The following IGF1 variants were observed in gnomAD, a reference collection of about 807,000 sequenced individuals.
IGF1 encodes the protein insulin like growth factor 1.
A neutral mutation model predicts 13.8 loss-of-function variants in IGF1; 4 were observed. The observed-to-expected ratio is 0.29, with a 90% CI of 0.14 to 0.66. The LOEUF (loss-of-function observed/expected upper bound fraction) is 0.66. IGF1 is among the 30% of genes least tolerant of loss of function. The pLI is 0.78. For missense variants in IGF1, 124 were observed against 188.5 expected (o/e 0.66, Z 2.00); for synonymous variants, 76 against 72.6 (o/e 1.05, Z -0.23).
chr12:102,411,048 C>A (rs1398019862), intron 3 of IGF1, among the ~76,000 whole-genome samples: 3 of 152,144 alleles, frequency 2.0e-5, no homozygotes, highest in African/African-American at 4.8e-5. Flanking sequence ...GCCAAAAGCA[C>A]CTCTACCTTC....
At chr12:102,451,953 C>T (rs1878974991) in intron 2 of IGF1, among the ~76,000 whole-genome samples, 1 of 152,124 alleles carries the variant, frequency 6.6e-6, no homozygotes, top group South Asian at 2.1e-4. Flanking sequence ...ACTCTCTCAC[C>T]TGCCACCATG....
In IGF1 at chr12:102,400,268, A is replaced by G. The variant is rs1246779502; in HGVS notation, c.*2239T>C. On this transcript the variant is annotated 3_prime_UTR_variant, in exon 4 of 4. Coordinates refer to ENST00000337514, the MANE Select transcript of IGF1 (RefSeq NM_000618.5). ...TTGCATGAAATAATCAAGCCTGGGT[A>G]CTTTTAACCAAAAAGTTCTAAGGTG... is the stretch of plus-strand genomic sequence containing the variant. The G allele has an allele frequency of 6.6e-6, 1 of 152,150 alleles. No homozygotes were observed. The highest frequency in any genetic ancestry group is 6.6e-5 in the Admixed American group (1 of 15,266). The allele number at this position is 152,150 out of a possible 1,614,324, so 9.4% of individuals were successfully genotyped here. A position where few individuals can be genotyped will look rare whatever the true frequency, so the allele number is the denominator to read the frequency against.
intron 2 of IGF1, among the ~76,000 whole-genome samples, chr12:102,435,065 T>C (rs1592775036): frequency 6.6e-6 from 1 of 152,324 alleles, no homozygotes; most frequent in East Asian, 1.9e-4. Context: ...TAACAGGTGT[T>C]TACATAGAAT....
intron 2 of IGF1, among the ~76,000 whole-genome samples, chr12:102,468,035 C>G (rs2137235604): frequency 6.6e-6 from 1 of 152,302 alleles, no homozygotes; most frequent in East Asian, 1.9e-4. Flanking sequence ...TTGTAGCAAT[C>G]TTCAATTTTA....
intron 2 of IGF1, among the ~76,000 whole-genome samples, chr12:102,447,866 A>G (rs571976882): frequency 1.3e-5 from 2 of 152,336 alleles, no homozygotes; most frequent in African/African-American, 2.4e-5. Context: ...GCATGGACAA[A>G]CACTTCCTGA....
chr12:102,445,881 G>A (rs1010692751), intron 2 of IGF1, among the ~76,000 whole-genome samples: 3 of 152,108 alleles, frequency 2.0e-5, no homozygotes, highest in African/African-American at 7.2e-5. Context: ...GTCATGAACA[G>A]CTCTTATTAT....
At chr12:102,479,890 C>CACACACAGAGACACAT (rs1160347147) in intron 1 of IGF1, among the ~76,000 whole-genome samples, 2 of 151,866 alleles carry the variant, frequency 1.3e-5, no homozygotes, top group African/African-American at 4.8e-5. Flanking sequence ...TGATGAGTTA[C>CACACACAGAGACACAT]ACACACAGAG....
At chr12:102,447,468 A>G (rs1878458866) in intron 2 of IGF1, among the ~76,000 whole-genome samples, 1 of 152,028 alleles carries the variant, frequency 6.6e-6, no homozygotes, top group East Asian at 1.9e-4. Context: ...TGATCCCTTT[A>G]CCATTATGTC....
rs559556649 is a variant in IGF1 at position 102,477,613 on chromosome 12, C to A, written c.64-1814G>T. On this transcript the variant is annotated intron_variant, in intron 1 of 3. Coordinates refer to ENST00000337514, the MANE Select transcript of IGF1 (RefSeq NM_000618.5). ...CCATTGGAAACCTCAACAAATCCAA[C>A]CCACCTGGACCTCGTGGCATTTTTC... Among the ~76,000 whole-genome samples the A allele has an allele frequency of 7.9e-5, 12 of 150,980 alleles. No homozygotes were observed. In the South Asian group the frequency reaches 1.7e-3, roughly 21 times the overall value.
intron 2 of IGF1, among the ~76,000 whole-genome samples, chr12:102,426,984 G>A (rs1876262030): frequency 6.6e-6 from 1 of 152,162 alleles, no homozygotes; most frequent in Non-Finnish European, 1.5e-5. Flanking sequence ...CGGTAGGCTA[G>A]GTATTAGCAT....
chr12:102,451,800 G>C (rs1211930300), intron 2 of IGF1, among the ~76,000 whole-genome samples: 10 of 152,078 alleles, frequency 6.6e-5, no homozygotes. Context: ...ATCTCATCTT[G>C]AACTGTAATT....
At chr12:102,408,803 C>T (rs1371182179) in intron 3 of IGF1, among the ~76,000 whole-genome samples, 1 of 152,178 alleles carries the variant, frequency 6.6e-6, no homozygotes, top group Non-Finnish European at 1.5e-5. Context: ...CTGAACTTTC[C>T]TTAGACCATA....
intron 3 of IGF1, among the ~76,000 whole-genome samples, chr12:102,410,282 A>ATGAAG (rs1874522646): frequency 6.6e-6 from 1 of 152,212 alleles, no homozygotes; most frequent in African/African-American, 2.4e-5. Context: ...GGATGTTGTA[A>ATGAAG]AATACTTCAG....
intron 2 of IGF1, among the ~76,000 whole-genome samples, chr12:102,432,135 GC>G (rs1876792606): frequency 6.6e-6 from 1 of 152,078 alleles, no homozygotes; most frequent in Non-Finnish European, 1.5e-5. Flanking sequence ...CATAGCTACA[GC>G]CATAACCTAA....
intron 2 of IGF1, among the ~76,000 whole-genome samples, chr12:102,448,949 G>A (rs1006248331): frequency 3.3e-5 from 5 of 152,354 alleles, no homozygotes; most frequent in African/African-American, 9.6e-5. Flanking sequence ...CACTGTTGGT[G>A]AGAGTGTAAA....
intron 3 of IGF1, among the ~76,000 whole-genome samples, chr12:102,408,670 C>T (rs1304962799): frequency 6.6e-6 from 1 of 152,184 alleles, no homozygotes; most frequent in Non-Finnish European, 1.5e-5. Flanking sequence ...GGGCAGGCCC[C>T]TCCCAAGAGC....
Position 102,465,769 on chromosome 12 carries a change from TCTA to T in IGF1, c.220+9871_220+9873del, listed in dbSNP as rs1234305150. On this transcript the variant is annotated intron_variant, in intron 2 of 3. Coordinates refer to ENST00000337514, the MANE Select transcript of IGF1 (RefSeq NM_000618.5). ...CAGGCCAACATGGTGAAACCCCGTC[TCTA>T]CTAAAAATACAAACATTAGCCGGGC... Among the ~76,000 whole-genome samples, 41 of 151,922 alleles carry T rather than the reference TCTA, an allele frequency of 2.7e-4. 1 individual carries two copies. The highest frequency in any genetic ancestry group is 2.7e-3 in the Admixed American group (41 of 15,258).
chr12:102,481,228 T>C (rs1435453160), upstream of IGF1, among the ~76,000 whole-genome samples: 1 of 152,138 alleles, frequency 6.6e-6, no homozygotes, highest in Non-Finnish European at 1.5e-5. Context: ...AGAACATTTT[T>C]CTTTATTCTT....
chr12:102,458,330 C>T (rs1239631728), intron 2 of IGF1, among the ~76,000 whole-genome samples: 1 of 152,140 alleles, frequency 6.6e-6, no homozygotes, highest in East Asian at 1.9e-4. Context: ...GTTGTGCATA[C>T]TAAAGGATTT....
Sources: gnomAD v4.1 joint callset for allele counts (sites outside exome capture counted in the v4.1 genomes callset) on GRCh38, gnomAD v4.1.1 for gene constraint, MANE v1.5 for transcripts, NCBI Gene and HGNC (gene_info 2026-07-23, HGNC 2026-07-21) for gene names.